FHIT: variants seen among roughly 807,000 people sequenced by gnomAD.
FHIT encodes the protein bis(5'-adenosyl)-triphosphatase.
In FHIT, 19 loss-of-function variants were observed where a neutral mutation model predicts 17.9. The observed-to-expected ratio is 1.06, with a 90% CI of 0.74 to 1.56. The LOEUF is 1.56. Ranked by LOEUF, FHIT falls within the 40% of genes most tolerant of loss-of-function variation. FHIT has a pLI of 0.00. For synonymous variants in FHIT, 81 were observed against 69.7 expected (o/e 1.16, Z -0.81); for missense variants, 248 against 189.2 (o/e 1.31, Z -1.82).
intron 5 of FHIT, among the ~76,000 whole-genome samples, chr3:60,364,556 C>G (rs1394950649): frequency 6.6e-6 from 1 of 152,214 alleles, no homozygotes; most frequent in Non-Finnish European, 1.5e-5. Context: ...ATTCTTTATT[C>G]TGTTCTACCC....
intron 5 of FHIT, among the ~76,000 whole-genome samples, chr3:60,494,995 G>C (rs1318169206): frequency 1.3e-5 from 2 of 152,100 alleles, no homozygotes; most frequent in Admixed American, 6.5e-5. Context: ...TCCAACAGTG[G>C]GATGTCTGGA....
chr3:59,895,491 T>C (rs1055782675), intron 8 of FHIT, among the ~76,000 whole-genome samples: 2 of 152,198 alleles, frequency 1.3e-5, no homozygotes, highest in Non-Finnish European at 2.9e-5. Flanking sequence ...GAACATGACT[T>C]TGCTTATTTG....
chr3:60,145,894 C>G (rs747652893), intron 5 of FHIT, among the ~76,000 whole-genome samples: 9 of 152,150 alleles, frequency 5.9e-5, no homozygotes, highest in Admixed American at 3.9e-4. Flanking sequence ...TCCCCAAGAA[C>G]AGTGAATAAT....
chr3:61,187,874 T>G (rs2038571996), intron 2 of FHIT, among the ~76,000 whole-genome samples: 2 of 152,194 alleles, frequency 1.3e-5, no homozygotes, highest in African/African-American at 4.8e-5. Flanking sequence ...AGATGTTCTT[T>G]GAAACCAATG....
intron 2 of FHIT, among the ~76,000 whole-genome samples, chr3:61,055,683 G>T (rs192258585): frequency 9.2e-5 from 14 of 152,226 alleles, no homozygotes; most frequent in African/African-American, 3.1e-4. Context: ...GTGTCCTCAA[G>T]GAGCTCAGGA....
At chr3:60,124,092 G>A in intron 5 of FHIT, among the ~76,000 whole-genome samples, 1 of 120,582 alleles carries the variant, frequency 8.3e-6, no homozygotes. Context: ...TCACTCTGTT[G>A]CCCAGACTGG....
intron 4 of FHIT, among the ~76,000 whole-genome samples, chr3:60,553,104 G>A (rs1283329422): frequency 6.6e-6 from 1 of 152,028 alleles, no homozygotes; most frequent in Non-Finnish European, 1.5e-5. Context: ...GCAATGAATG[G>A]GTAAATAATT....
At chr3:60,221,756 T>C (rs529894096) in intron 5 of FHIT, among the ~76,000 whole-genome samples, 1 of 152,280 alleles carries the variant, frequency 6.6e-6, no homozygotes, top group South Asian at 2.1e-4. Context: ...GATCTTTTAA[T>C]GACTGGCTCC....
intron 3 of FHIT, among the ~76,000 whole-genome samples, chr3:60,949,231 G>A (rs1188380113): frequency 6.6e-6 from 1 of 152,122 alleles, no homozygotes; most frequent in South Asian, 2.1e-4. Context: ...CACCAATGGT[G>A]GCAGGAGGGG....
intron 4 of FHIT, among the ~76,000 whole-genome samples, chr3:60,642,385 G>C (rs1200805205): frequency 2.0e-5 from 3 of 152,200 alleles, no homozygotes; most frequent in Non-Finnish European, 4.4e-5. Flanking sequence ...GTCAGACCCA[G>C]GGTTGCAGAT....
At chr3:59,848,495 A>AATCTTCTAAAATAATATTTAGAAT (rs1438908108) in intron 8 of FHIT, among the ~76,000 whole-genome samples, 4 of 152,338 alleles carry the variant, frequency 2.6e-5, no homozygotes, top group African/African-American at 7.2e-5. Flanking sequence ...CAATTTCAGT[A>AATCTTCTAAAATAATATTTAGAAT]ATCTTCTAAA....
intron 4 of FHIT, among the ~76,000 whole-genome samples, chr3:60,577,443 G>C (rs181853008): frequency 6.6e-6 from 1 of 152,260 alleles, no homozygotes; most frequent in Admixed American, 6.5e-5. Flanking sequence ...TGAGGATTCA[G>C]ATGTAAAGTG....
chr3:60,806,163 A>G (rs1238971503), intron 4 of FHIT, among the ~76,000 whole-genome samples: 2 of 152,220 alleles, frequency 1.3e-5, no homozygotes, highest in African/African-American at 4.8e-5. Flanking sequence ...TAGATGAAAA[A>G]TTAAGCTTTC....
intron 8 of FHIT, among the ~76,000 whole-genome samples, chr3:59,882,144 T>C (rs964705893): frequency 6.6e-6 from 1 of 152,048 alleles, no homozygotes; most frequent in Non-Finnish European, 1.5e-5. Context: ...AAAATAGGAG[T>C]CTTTTGAAAT....
intron 8 of FHIT, among the ~76,000 whole-genome samples, chr3:59,845,773 G>T (rs907775144): frequency 6.6e-6 from 1 of 152,124 alleles, no homozygotes. Context: ...TGTTTGGCAT[G>T]TATCTGTTAG....
intron 5 of FHIT, among the ~76,000 whole-genome samples, chr3:60,486,263 TTTTG>T (rs765037536): frequency 1.3e-5 from 2 of 152,246 alleles, no homozygotes; most frequent in Non-Finnish European, 1.5e-5. Flanking sequence ...AAAAATTTTA[TTTTG>T]TTTTTGTTTT....
At chr3:59,988,577 C>T (rs943782023) in intron 7 of FHIT, among the ~76,000 whole-genome samples, 7 of 151,988 alleles carry the variant, frequency 4.6e-5, no homozygotes, top group African/African-American at 1.4e-4. Flanking sequence ...GTGTATCTGG[C>T]GCTCCTCTAA....
chr3:60,308,269 C>A (rs997954932), intron 5 of FHIT, among the ~76,000 whole-genome samples: 15 of 152,078 alleles, frequency 9.9e-5, no homozygotes, highest in African/African-American at 3.4e-4. Flanking sequence ...ACTTGCCTTA[C>A]AGAAAAGTCA....
chr3:60,282,766 A>G (rs749905675), intron 5 of FHIT, among the ~76,000 whole-genome samples: 13 of 152,172 alleles, frequency 8.5e-5, no homozygotes, highest in Non-Finnish European at 1.3e-4. Context: ...GCTGTTCTAA[A>G]AAATAAAGTA....
Sources: gnomAD v4.1 joint callset for allele counts (sites outside exome capture counted in the v4.1 genomes callset) on GRCh38, gnomAD v4.1.1 for gene constraint, MANE v1.5 for transcripts, NCBI Gene and HGNC (gene_info 2026-07-23, HGNC 2026-07-21) for gene names.